Variants in SLC5A7 observed in about 807,000 individuals in gnomAD.
SLC5A7 encodes the protein high affinity choline transporter 1.
A neutral mutation model predicts 55.4 loss-of-function variants in SLC5A7; 19 were observed. The observed-to-expected ratio is 0.34, with a 90% CI of 0.24 to 0.50. The LOEUF is 0.50. Among genes scored for constraint, SLC5A7 ranks in the 20% least tolerant of loss-of-function variants. The probability of loss-of-function intolerance (pLI) is 0.98; values close to 1 mark genes in which losing one functional copy is unlikely to be tolerated. For missense variants in SLC5A7, 506 were observed against 705.3 expected (o/e 0.72, Z 3.20); for synonymous variants, 265 against 263.7 (o/e 1.00, Z -0.05).
chr2:108,000,858 G>C (rs1323369551), intron 5 of SLC5A7, among the ~76,000 whole-genome samples: 1 of 150,998 alleles, frequency 6.6e-6, no homozygotes. Context: ...GCCTCCCAAA[G>C]TCCTGGGATT....
intron 6 of SLC5A7, among the ~76,000 whole-genome samples, chr2:108,005,244 A>T (rs1005576196): frequency 1.3e-5 from 2 of 152,226 alleles, no homozygotes; most frequent in African/African-American, 4.8e-5. Context: ...GTAGAAAGTA[A>T]GTTCCAGGGA....
chr2:107,995,167 A>G (rs928207086), intron 4 of SLC5A7, among the ~76,000 whole-genome samples: 3 of 152,288 alleles, frequency 2.0e-5, no homozygotes, highest in East Asian at 1.9e-4. Context: ...AGTATAGTCT[A>G]TTGCTCTTAG....
At chr2:107,987,600 A>C (rs1677298100) in intron 1 of SLC5A7, among the ~76,000 whole-genome samples, 1 of 152,346 alleles carries the variant, frequency 6.6e-6, no homozygotes, top group Admixed American at 6.5e-5. Flanking sequence ...TTACTACTGA[A>C]GCCATTCTCT....
chr2:107,996,967 T>C, intron 4 of SLC5A7, among the ~76,000 whole-genome samples: 1 of 152,208 alleles, frequency 6.6e-6, no homozygotes, highest in East Asian at 1.9e-4. Context: ...AATTTGATAA[T>C]TTGTTCCTAC....
In SLC5A7 at chr2:108,001,690, G is replaced by A. The variant is rs10595101; in HGVS notation, c.598-207G>A. Reference sequence around the variant, plus strand: ...TCCGTCTCAAAAAAAAAAAAAAAAAGAAAAGAAATAGTCAATGTGTTATTT... The same window carrying A: ...TCCGTCTCAAAAAAAAAAAAAAAAAAAAAAGAAATAGTCAATGTGTTATTT... On this transcript the variant is annotated intron_variant, in intron 5 of 8. Coordinates refer to ENST00000264047, the MANE Select transcript of SLC5A7 (RefSeq NM_021815.5). Among the ~76,000 whole-genome samples, 38,394 of 135,872 alleles carry A rather than the reference G, an allele frequency of 0.28. 5,955 individuals are homozygous for A. Among genetic ancestry groups the A allele is most frequent in the African/African-American group, 0.4 (14,006 of 34,656 alleles). The allele number at this position is 135,872 out of a possible 152,430, so 89.1% of individuals were successfully genotyped here.
rs1678308450 is a variant in SLC5A7 at position 108,011,018 on chromosome 2, G to A, written c.*157G>A. 2 of 717,190 alleles carry A rather than the reference G, an allele frequency of 2.8e-6. No homozygotes were observed. Among genetic ancestry groups the A allele is most frequent in the South Asian group, 7.8e-5 (2 of 25,610 alleles). 44.4% of individuals were successfully genotyped at this position (717,190 alleles called of 1,614,324 possible). On this transcript the variant is annotated 3_prime_UTR_variant, in exon 9 of 9. Coordinates refer to ENST00000264047, the MANE Select transcript of SLC5A7 (RefSeq NM_021815.5). Reference sequence around the variant, plus strand: ...GTGCAATTGCACAAATACAAGCCAAGCTAGAAGGAAGCACCTATGAAAGCA... The same window carrying A: ...GTGCAATTGCACAAATACAAGCCAAACTAGAAGGAAGCACCTATGAAAGCA...
At chr2:107,989,058 C>G (rs929322061) in intron 2 of SLC5A7, among the ~76,000 whole-genome samples, 1 of 152,186 alleles carries the variant, frequency 6.6e-6, no homozygotes, top group Non-Finnish European at 1.5e-5. Context: ...TTCTTTCTTA[C>G]TTTGCACTAA....
intron 4 of SLC5A7, 137 bp from the exon 5 acceptor site, chr2:107,997,701 T>A (rs878962090): frequency 1.3e-6 from 1 of 764,076 alleles, no homozygotes; most frequent in South Asian, 3.8e-5. Flanking sequence ...AAAAATTAAC[T>A]TTAGGTGTTT....
At chr2:108,006,767 C>G (rs1678140039) in intron 7 of SLC5A7, among the ~76,000 whole-genome samples, 2 of 152,092 alleles carry the variant, frequency 1.3e-5, no homozygotes, top group Admixed American at 6.5e-5. Flanking sequence ...TTTAAAACCC[C>G]TAGGTGAGTT....
rs35029295 is a variant in SLC5A7 at position 107,988,151 on chromosome 2, T to TA, written c.1dup. 8.7e-6 allele frequency: 14 copies of TA among 1,611,306 alleles called. No homozygotes were observed. In the Admixed American group the frequency reaches 2.2e-4, roughly 25 times the overall value. On this transcript the variant is annotated 5_prime_UTR_variant, in exon 2 of 9. Coordinates refer to ENST00000264047, the MANE Select transcript of SLC5A7 (RefSeq NM_021815.5). ...CTGCAGAAGAATCTGGATCATTAGA[T>TA]AAAAATGGCTTTCCATGTGGAAGGA... is the stretch of plus-strand genomic sequence containing the variant.
At chr2:107,988,941 C>A (rs990506364) in intron 2 of SLC5A7, among the ~76,000 whole-genome samples, 2 of 152,142 alleles carry the variant, frequency 1.3e-5, no homozygotes, top group African/African-American at 4.8e-5. Context: ...ATTTCATGAA[C>A]CTTGTTATAA....
intron 4 of SLC5A7, among the ~76,000 whole-genome samples, chr2:107,994,172 G>A (rs569061532): frequency 1.6e-4 from 24 of 152,254 alleles, no homozygotes; most frequent in African/African-American, 5.1e-4. Flanking sequence ...GCACTGCCCC[G>A]CCTTCAGCAC....
chr2:107,988,380 A>G, intron 2 of SLC5A7, 47 bp downstream of exon 2: 2 of 1,562,924 alleles, frequency 1.3e-6, no homozygotes, highest in South Asian at 1.2e-5. Context: ...CTTCCTTGGC[A>G]TCTGTGAGTG....
intron 8 of SLC5A7, among the ~76,000 whole-genome samples, chr2:108,009,928 A>G (rs1470411970): frequency 6.6e-6 from 1 of 152,100 alleles, no homozygotes; most frequent in Non-Finnish European, 1.5e-5. Flanking sequence ...CCCTTGCTTT[A>G]TTATACCTCC....
intron 4 of SLC5A7, among the ~76,000 whole-genome samples, chr2:107,993,924 C>T (rs573120768): frequency 2.8e-4 from 42 of 152,228 alleles, no homozygotes; most frequent in African/African-American, 6.7e-4. Flanking sequence ...TTCAATGTTA[C>T]GGTTTAGTAG....
chr2:108,013,695 T>A lies in SLC5A7; in HGVS notation c.*2834T>A, dbSNP rs1678426762. ...GAAGGCAACACCTGTGGATAAAACA[T>A]TAGAAGAAAACATATATTTTATTTT... On this transcript the variant is annotated 3_prime_UTR_variant, in exon 9 of 9. Coordinates refer to ENST00000264047, the MANE Select transcript of SLC5A7 (RefSeq NM_021815.5). 6.6e-6 allele frequency: 1 copy of A among 152,172 alleles called. No homozygotes were observed. The highest frequency in any genetic ancestry group is 1.5e-5 in the Non-Finnish European group (1 of 68,008). The allele number at this position is 152,172 out of a possible 1,614,324, so 9.4% of individuals were successfully genotyped here.
At chr2:108,003,485 A>G (rs891844368) in intron 6 of SLC5A7, among the ~76,000 whole-genome samples, 2 of 152,224 alleles carry the variant, frequency 1.3e-5, no homozygotes, top group South Asian at 2.1e-4. Context: ...ATGAAGTAGT[A>G]CATGTTGAAT....
intron 7 of SLC5A7, 75 bp downstream of exon 7, chr2:108,006,277 C>A: frequency 6.6e-7 from 1 of 1,518,008 alleles, no homozygotes; most frequent in South Asian, 1.2e-5. Flanking sequence ...CTGTCCCACT[C>A]CCCTCTTTCC....
intron 4 of SLC5A7, among the ~76,000 whole-genome samples, chr2:107,994,690 T>C (rs1677599705): frequency 6.6e-6 from 1 of 152,230 alleles, no homozygotes; most frequent in Non-Finnish European, 1.5e-5. Flanking sequence ...AATGATATTA[T>C]GTGTAAAACT....
Sources: gnomAD v4.1 joint callset for allele counts (sites outside exome capture counted in the v4.1 genomes callset) on GRCh38, gnomAD v4.1.1 for gene constraint, MANE v1.5 for transcripts, NCBI Gene and HGNC (gene_info 2026-07-23, HGNC 2026-07-21) for gene names.